Variants in GRIK2 observed in about 807,000 individuals in gnomAD.
GRIK2 encodes the protein glutamate ionotropic receptor kainate type subunit 2, also known as glutamate receptor ionotropic, kainate 2.
GRIK2 carries 32 observed loss-of-function variants against 100.3 expected under a neutral mutation model. The ratio of observed to expected loss-of-function variants is 0.32; its 90% confidence interval spans 0.24 to 0.43. The LOEUF (loss-of-function observed/expected upper bound fraction) is 0.43, where lower values mean the gene tolerates loss of function less well. GRIK2 is among the 20% of genes least tolerant of loss of function. The pLI is 1.00. For missense variants in GRIK2, 843 were observed against 1,114.9 expected, an observed-to-expected ratio of 0.76 and a Z score of 3.47; for synonymous variants, 417 against 389.4, an observed-to-expected ratio of 1.07 and a Z score of -0.83.
At chr6:101,967,250 T>G (rs1256851526) in intron 14 of GRIK2, among the ~76,000 whole-genome samples, 2 of 151,986 alleles carry the variant, frequency 1.3e-5, no homozygotes, top group Non-Finnish European at 2.9e-5. Flanking sequence ...TACTTGTATA[T>G]TACTTAACAT....
At chr6:101,712,076 G>T (rs1773756652) in intron 7 of GRIK2, among the ~76,000 whole-genome samples, 1 of 151,704 alleles carries the variant, frequency 6.6e-6, no homozygotes, top group Admixed American at 6.6e-5. Flanking sequence ...GAGTAAATTT[G>T]CAACCAAGCT....
At chr6:101,761,063 G>A (rs962896624) in intron 7 of GRIK2, among the ~76,000 whole-genome samples, 23 of 152,144 alleles carry the variant, frequency 1.5e-4, no homozygotes, top group African/African-American at 5.1e-4. Flanking sequence ...ACAGTTAAAT[G>A]GTTCAAAGAA....
chr6:101,765,926 G>A lies in GRIK2; in HGVS notation c.952-33722G>A, dbSNP rs115785389. On this transcript the variant is annotated intron_variant, in intron 7 of 16. Transcript: ENST00000369134. ...AAAAAGCTATGAGTCATTTATTTTT[G>A]TGGAATCCTTTTTTTATTGTATCAC... Among the ~76,000 whole-genome samples, 554 of 152,126 alleles carry A rather than the reference G, an allele frequency of 3.6e-3. 3 individuals carry two copies. The highest frequency in any genetic ancestry group is 0.013 in the African/African-American group (534 of 41,540).
chr6:101,473,067 G>T (rs1582526509), intron 2 of GRIK2, among the ~76,000 whole-genome samples: 1 of 150,976 alleles, frequency 6.6e-6, no homozygotes. Flanking sequence ...TCTAATAGAG[G>T]TTCAGGCAGA....
chr6:101,518,938 T>C (rs559210792), intron 2 of GRIK2, among the ~76,000 whole-genome samples: 49 of 152,312 alleles, frequency 3.2e-4, no homozygotes, highest in African/African-American at 1.0e-3. Context: ...GTTACATTTA[T>C]AGATGCATTA....
intron 12 of GRIK2, among the ~76,000 whole-genome samples, chr6:101,902,606 T>C (rs1787922510): frequency 1.3e-5 from 2 of 152,096 alleles, no homozygotes; most frequent in Middle Eastern, 3.4e-3. Flanking sequence ...AGCTATATGA[T>C]GTTTTCAGGG....
rs535310026 is a variant in GRIK2 at position 101,498,450 on chromosome 6, T to C, written c.115+99058T>C. 3.1e-3 allele frequency among the ~76,000 whole-genome samples: 476 copies of C among 151,890 alleles called. 2 individuals are homozygous for C. Among genetic ancestry groups the C allele is most frequent in the African/African-American group, 0.011 (455 of 41,388 alleles). ...TCCCTGAGGAATCGCCACACTGACT[T>C]CCACAATGGTTGAACTAGTTTACAG... On this transcript the variant is annotated intron_variant, in intron 2 of 16. Transcript: ENST00000369134.
chr6:101,425,196 G>C (rs1202913671), intron 2 of GRIK2, among the ~76,000 whole-genome samples: 2 of 152,110 alleles, frequency 1.3e-5, no homozygotes, highest in Non-Finnish European at 2.9e-5. Flanking sequence ...TGGGATGGCT[G>C]GGTCAAATGG....
At chr6:101,600,239 G>A (rs610443) in intron 2 of GRIK2, among the ~76,000 whole-genome samples, 45,272 of 151,558 alleles carry the variant, frequency 0.3, 7,476 homozygotes, top group African/African-American at 0.43. Context: ...TGGGTTCTCC[G>A]TTCTTTTCCA....
chr6:101,798,506 G>A (rs1438298531), intron 7 of GRIK2, among the ~76,000 whole-genome samples: 1 of 151,924 alleles, frequency 6.6e-6, no homozygotes, highest in Non-Finnish European at 1.5e-5. Flanking sequence ...TTCTCTTATT[G>A]CATTGTGCTC....
At chr6:101,661,483 C>T (rs1033306143) in intron 4 of GRIK2, among the ~76,000 whole-genome samples, 5 of 151,944 alleles carry the variant, frequency 3.3e-5, no homozygotes, top group South Asian at 2.1e-4. Context: ...GGGGAGTGAA[C>T]GGTTCTGTCT....
intron 14 of GRIK2, among the ~76,000 whole-genome samples, chr6:101,997,369 A>G (rs1234694803): frequency 6.6e-6 from 1 of 152,032 alleles, no homozygotes; most frequent in Non-Finnish European, 1.5e-5. Flanking sequence ...GTCCTTTATC[A>G]TGGTTATATC....
chr6:101,835,639 T>A (rs1783031505), intron 10 of GRIK2, among the ~76,000 whole-genome samples: 1 of 150,232 alleles, frequency 6.7e-6, no homozygotes, highest in Non-Finnish European at 1.5e-5. Flanking sequence ...CCTGGCTAAT[T>A]TTTGTATTTT....
chr6:101,806,574 CTCA>C (rs1415027488), intron 9 of GRIK2, among the ~76,000 whole-genome samples: 4 of 151,262 alleles, frequency 2.6e-5, no homozygotes, highest in African/African-American at 9.7e-5. Context: ...CCAGTGACCT[CTCA>C]TCATGTCATC....
chr6:101,628,534 A>G (rs1562271062), intron 4 of GRIK2, among the ~76,000 whole-genome samples: 1 of 152,030 alleles, frequency 6.6e-6, no homozygotes. Flanking sequence ...TCTGTGTTCC[A>G]ATTTTGAATG....
At chr6:101,443,312 T>G (rs1277893571) in intron 2 of GRIK2, among the ~76,000 whole-genome samples, 1 of 152,132 alleles carries the variant, frequency 6.6e-6, no homozygotes, top group African/African-American at 2.4e-5. Flanking sequence ...GCAAAATGTC[T>G]CTAAATGTGG....
At chr6:102,067,217 TAGCAAA>T (rs1283018380) in intron 16 of GRIK2, among the ~76,000 whole-genome samples, 3 of 151,780 alleles carry the variant, frequency 2.0e-5, no homozygotes, top group African/African-American at 7.2e-5. Context: ...TATGTCTAAT[TAGCAAA>T]TGCATTACCT....
intron 14 of GRIK2, among the ~76,000 whole-genome samples, chr6:101,991,935 T>A: frequency 6.6e-6 from 1 of 151,578 alleles, no homozygotes; most frequent in Admixed American, 6.6e-5. Context: ...TGAAGCATAC[T>A]ATATATGTCA....
chr6:101,987,348 C>A lies in GRIK2; in HGVS notation c.2086-47993C>A, dbSNP rs72966287. Among the ~76,000 whole-genome samples, 10 of 151,694 alleles carry A rather than the reference C, an allele frequency of 6.6e-5. No individual in the cohort carries two copies. The South Asian group carries it at 1.9e-3, about 28-fold the overall frequency. ...AAATTCTAATAGTATGCAAACAAAA[C>A]GAAAACAAAGAAGTAGTAATCCTTT... On this transcript the variant is annotated intron_variant, in intron 14 of 16. Coordinates refer to ENST00000369134, the MANE Select transcript of GRIK2 (RefSeq NM_021956.5).
Sources: allele counts gnomAD v4.1 joint callset (sites outside exome capture counted in the v4.1 genomes callset), GRCh38; gene constraint gnomAD v4.1.1; transcripts MANE v1.5; gene names NCBI Gene and HGNC (gene_info 2026-07-23, HGNC 2026-07-21).